The following C1orf74 variants were observed in gnomAD, a reference collection of about 807,000 sequenced individuals.
C1orf74 encodes the protein chromosome 1 open reading frame 74.
Under a neutral mutation model 7.3 loss-of-function variants are expected in C1orf74, and 5 were observed. The ratio of observed to expected loss-of-function variants is 0.68; its 90% CI spans 0.36 to 1.44. The LOEUF (loss-of-function observed/expected upper bound fraction) is 1.44. Ranked by LOEUF, C1orf74 falls within the 40% of genes most tolerant of loss-of-function variation. The pLI is 0.04. For synonymous variants in C1orf74, 121 were observed against 132.5 expected (o/e 0.91, Z 0.59); for missense variants, 291 against 314.3 (o/e 0.93, Z 0.56).
At position 209,781,411 on chromosome 1, in the gene C1orf74, C is replaced by T; in HGVS notation, c.*1414G>A. The T allele has an allele frequency of 6.2e-7, 1 of 1,613,688 alleles. No individual in the cohort carries two copies. The highest frequency in any genetic ancestry group is 8.5e-7 in the Non-Finnish European group (1 of 1,179,704). On this transcript the variant is annotated 3_prime_UTR_variant, in exon 2 of 2. Transcript: ENST00000294811. ...GTATCTCTCCTGCCTGCGTAAGCTG[C>T]AGCACTGTCGAGAAGAGCTGAACCA...
chr1:209,779,212 A>G lies in C1orf74; in HGVS notation c.*3613T>C, dbSNP rs1217544496. ...GGGGACAAAATTCAACACACAGCAG[A>G]TGGGAACATATTTAATAACCAAGGT... On this transcript the variant is annotated 3_prime_UTR_variant, in exon 2 of 2. Transcript: ENST00000294811. 29 of 871,640 alleles carry G rather than the reference A, an allele frequency of 3.3e-5. No homozygotes were observed. The highest frequency in any genetic ancestry group is 4.7e-5 in the Non-Finnish European group (26 of 550,668). The allele number at this position is 871,640 out of a possible 1,614,324, so 54.0% of individuals were successfully genotyped here. A position where few individuals can be genotyped will look rare whatever the true frequency, so the allele number is the denominator to read the frequency against.
At position 209,781,707 on chromosome 1, in the gene C1orf74, T is replaced by A. The variant is rs1167960055; in HGVS notation, c.*1118A>T. 3 of 488,420 alleles carry A rather than the reference T, an allele frequency of 6.1e-6. No individual in the cohort carries two copies. In the Admixed American group the frequency reaches 1.1e-4, roughly 17 times the overall value. 30.3% of individuals were successfully genotyped at this position (488,420 alleles called of 1,614,324 possible). Reference sequence around the variant, plus strand: ...TACTCTTAGCTAAAGTATGAAAGGGTGTTCTTTTAGCCGATGATAAGCATG... The same window carrying A: ...TACTCTTAGCTAAAGTATGAAAGGGAGTTCTTTTAGCCGATGATAAGCATG... On this transcript the variant is annotated 3_prime_UTR_variant, in exon 2 of 2. Transcript: ENST00000294811.
At chr1:209,784,349 TA>T (rs2077818773) in intron 1 of C1orf74, 28 bp downstream of exon 1, 1 of 152,268 alleles carries the variant, frequency 6.6e-6, no homozygotes, top group Non-Finnish European at 1.5e-5. Flanking sequence ...AGTGATTTGC[TA>T]AATGAGGCAT....
In C1orf74 at chr1:209,780,400, G is replaced by GT. The variant is rs1427077127; in HGVS notation, c.*2424dup. The GT allele has an allele frequency of 6.5e-6, 9 of 1,391,966 alleles. No individual in the cohort carries two copies. The Admixed American group carries it at 2.1e-4, about 32-fold the overall frequency. 86.2% of individuals were successfully genotyped at this position (1,391,966 alleles called of 1,614,324 possible). A position where few individuals can be genotyped will look rare whatever the true frequency, so the allele number is the denominator to read the frequency against. ...CCCTCCCCTCTCCCCACTCCTAGTGGTTTCACCCTCAGGGCCCTTCCTCAG... is the reference window on the plus strand; with the variant it reads ...CCCTCCCCTCTCCCCACTCCTAGTGGTTTTCACCCTCAGGGCCCTTCCTCAG... On this transcript the variant is annotated 3_prime_UTR_variant, in exon 2 of 2. Coordinates refer to ENST00000294811, the MANE Select transcript of C1orf74 (RefSeq NM_152485.4).
At position 209,783,438 on chromosome 1, in the gene C1orf74, AG is replaced by A. The variant is rs763868111; in HGVS notation, c.196del (p.Leu66SerfsTer8). On this transcript the variant is annotated frameshift_variant, in exon 2 of 2. Coordinates refer to ENST00000294811, the MANE Select transcript of C1orf74 (RefSeq NM_152485.4). LOFTEE classifies it low-confidence loss of function (END_TRUNC). ...CTTCAGCTCCTCCAGATAGCTCTGG[AG>A]CTCTGATGCCCCTGCACAGTTGCAA... ...YDCNCAGASE[L>X]QSYLEELKGL... The A allele has an allele frequency of 6.2e-7, 1 of 1,614,096 alleles. No individual in the cohort carries two copies.
In C1orf74 at chr1:209,782,045, T is replaced by C; in HGVS notation, c.*780A>G. Reference sequence around the variant, plus strand: ...ATGGCCACTTTCTTCTGTCTCCCTGTCCCCCTACAGAGGCAATGTGGGCGA... The same window carrying C: ...ATGGCCACTTTCTTCTGTCTCCCTGCCCCCCTACAGAGGCAATGTGGGCGA... On this transcript the variant is annotated 3_prime_UTR_variant, in exon 2 of 2. Transcript: ENST00000294811. 4 of 1,609,246 alleles carry C rather than the reference T, an allele frequency of 2.5e-6. No individual in the cohort carries two copies. Among genetic ancestry groups the C allele is most frequent in the Non-Finnish European group, 3.4e-6 (4 of 1,175,648 alleles).
In C1orf74 at chr1:209,782,973, A is replaced by C; in HGVS notation, c.662T>G (p.Phe221Cys). The C allele has an allele frequency of 6.2e-7, 1 of 1,614,160 alleles. No individual in the cohort carries two copies. Among genetic ancestry groups the C allele is most frequent in the Non-Finnish European group, 8.5e-7 (1 of 1,180,018 alleles). ...LGQPPILLYS[F>C]SVPESLFPGL... ...TGGGAACAAACTCTCTGGGACACTA[A>C]AAGAATAGAGCAGGATTGGGGGTTG... Residue 221 changes from phenylalanine to cysteine, a missense_variant, in exon 2 of 2, where the codon TTT (phenylalanine) becomes TGT (cysteine). Physicochemically the swap from Phe to Cys is radical, Grantham distance 205. Coordinates refer to ENST00000294811, the MANE Select transcript of C1orf74 (RefSeq NM_152485.4).
Position 209,782,961 on chromosome 1 carries a change from T to C in C1orf74, c.674A>G (p.Glu225Gly). The C allele has an allele frequency of 6.2e-7, 1 of 1,614,160 alleles. No homozygotes were observed. The highest frequency in any genetic ancestry group is 1.7e-5 in the Admixed American group (1 of 60,014). ...GTCCCTCAGGCCTGGGAACAAACTC[T>C]CTGGGACACTAAAAGAATAGAGCAG... ...PILLYSFSVPESLFPGLRDIL... is the reference protein window; with the variant it reads ...PILLYSFSVPGSLFPGLRDIL... Residue 225 changes from glutamate to glycine, a missense_variant, in exon 2 of 2, where the codon GAG (glutamate) becomes GGG (glycine). Coordinates refer to ENST00000294811, the MANE Select transcript of C1orf74 (RefSeq NM_152485.4).
At position 209,780,668 on chromosome 1, in the gene C1orf74, C is replaced by T; in HGVS notation, c.*2157G>A. 1.4e-6 allele frequency: 2 copies of T among 1,409,130 alleles called. No homozygotes were observed. Among genetic ancestry groups the T allele is most frequent in the African/African-American group, 1.5e-5 (1 of 68,346 alleles). The allele number at this position is 1,409,130 out of a possible 1,614,324, so 87.3% of individuals were successfully genotyped here. The stretch of plus-strand genomic sequence containing the variant: ...CGAAATAGCAGAGAAACCTGGGAGG[C>T]AGTCAAAAAGCAGGGATTTCAAAGT... On this transcript the variant is annotated 3_prime_UTR_variant, in exon 2 of 2. Coordinates refer to ENST00000294811, the MANE Select transcript of C1orf74 (RefSeq NM_152485.4).
intron 1 of C1orf74, 132 bp from the exon 2 acceptor site, chr1:209,783,841 G>A: frequency 2.0e-6 from 1 of 494,198 alleles, no homozygotes; most frequent in Non-Finnish European, 3.7e-6. Context: ...CACCGATGCT[G>A]CTTGATTTTT....
rs777523238 is a variant in C1orf74 at position 209,780,521 on chromosome 1, C to A, written c.*2304G>T. 3.7e-6 allele frequency: 6 copies of A among 1,603,550 alleles called. No homozygotes were observed. The highest frequency in any genetic ancestry group is 4.3e-6 in the Non-Finnish European group (5 of 1,174,796). ...AAGTCCTTCCCTAACGAAGTGGAGC[C>A]TGAGGGTACAGGGAAGGAGAAAGAC... On this transcript the variant is annotated 3_prime_UTR_variant, in exon 2 of 2. Transcript: ENST00000294811.
chr1:209,780,504 C>A lies in C1orf74; in HGVS notation c.*2321G>T. On this transcript the variant is annotated 3_prime_UTR_variant, in exon 2 of 2. Coordinates refer to ENST00000294811, the MANE Select transcript of C1orf74 (RefSeq NM_152485.4). ...TGCCCGTGTGGAGTCCAAAGTCCTT[C>A]CCTAACGAAGTGGAGCCTGAGGGTA... The A allele has an allele frequency of 1.2e-6, 2 of 1,600,840 alleles. No homozygotes were observed. Among genetic ancestry groups the A allele is most frequent in the Non-Finnish European group, 8.5e-7 (1 of 1,173,242 alleles).
chr1:209,780,589 C>A lies in C1orf74; in HGVS notation c.*2236G>T, dbSNP rs2077755441. 3 of 1,589,436 alleles carry A rather than the reference C, an allele frequency of 1.9e-6. No homozygotes were observed. The highest frequency in any genetic ancestry group is 2.6e-6 in the Non-Finnish European group (3 of 1,165,604). ...GCTGCAAAAGAAGACTTTGCAGCTC[C>A]AGGCCAAGGAAAAGGAGGTGAGAGG... On this transcript the variant is annotated 3_prime_UTR_variant, in exon 2 of 2. Coordinates refer to ENST00000294811, the MANE Select transcript of C1orf74 (RefSeq NM_152485.4).
In C1orf74 at chr1:209,779,307, T is replaced by G. The variant is rs751789984; in HGVS notation, c.*3518A>C. ...TAGCATAGACAAGTTCCTTGTGTTTTCCAACAGGTTTGCTTCAAAATCAAT... is the reference window on the plus strand; with the variant it reads ...TAGCATAGACAAGTTCCTTGTGTTTGCCAACAGGTTTGCTTCAAAATCAAT... On this transcript the variant is annotated 3_prime_UTR_variant, in exon 2 of 2. Coordinates refer to ENST00000294811, the MANE Select transcript of C1orf74 (RefSeq NM_152485.4). 2.0e-5 allele frequency: 33 copies of G among 1,613,808 alleles called. No individual in the cohort carries two copies. The highest frequency in any genetic ancestry group is 3.3e-4 in the Middle Eastern group (2 of 6,082).
At position 209,782,886 on chromosome 1, in the gene C1orf74, T is replaced by C; in HGVS notation, c.749A>G (p.Asn250Ser). The change falls in exon 2 of 2, where the codon AAT (asparagine) becomes AGT (serine). Residue 250 changes from asparagine to serine, a missense_variant. By Grantham distance (46) the Asn-to-Ser change is conservative. Coordinates refer to ENST00000294811, the MANE Select transcript of C1orf74 (RefSeq NM_152485.4). ...KDLRTRFRTQNDFADLSISSE... is the reference protein window; with the variant it reads ...KDLRTRFRTQSDFADLSISSE... ...GGAGATGCTGAGATCAGCAAAGTCA[T>C]TCTGAGTCCTAAATCGGGTTCTGAG... 1 of 1,614,156 alleles carries C rather than the reference T, an allele frequency of 6.2e-7. No homozygotes were observed. The highest frequency in any genetic ancestry group is 8.5e-7 in the Non-Finnish European group (1 of 1,180,026).
chr1:209,782,605 T>C lies in C1orf74; in HGVS notation c.*220A>G. The C allele has an allele frequency of 1.7e-6, 1 of 585,136 alleles. No homozygotes were observed. The allele number at this position is 585,136 out of a possible 1,614,324, so 36.2% of individuals were successfully genotyped here. A position where few individuals can be genotyped will look rare whatever the true frequency, so the allele number is the denominator to read the frequency against. On this transcript the variant is annotated 3_prime_UTR_variant, in exon 2 of 2. Coordinates refer to ENST00000294811, the MANE Select transcript of C1orf74 (RefSeq NM_152485.4). ...TGAAAACATCTCCACTAAGAGGACT[T>C]CCTAGTATAGAAATGGCAAGTATGT...
intron 1 of C1orf74, 139 bp from the exon 2 acceptor site, chr1:209,783,848 T>C: frequency 2.0e-6 from 1 of 493,246 alleles, no homozygotes; most frequent in Non-Finnish European, 3.7e-6. Context: ...GCTGCTTGAT[T>C]TTTCTGGTTG....
At position 209,783,159 on chromosome 1, in the gene C1orf74, T is replaced by G. The variant is rs2077808470; in HGVS notation, c.476A>C (p.Tyr159Ser). ...LQRDLSLAVS[Y>S]SRLHSSDWNL... ...CCAGTCTGAGGAATGGAGCCTGCTGTAGGAGACTGCTAGAGATAAGTCCCT... is the reference window on the plus strand; with the variant it reads ...CCAGTCTGAGGAATGGAGCCTGCTGGAGGAGACTGCTAGAGATAAGTCCCT... Residue 159 changes from tyrosine (Y) to serine (S), a missense_variant, in exon 2 of 2, where the codon TAC becomes TCC. Tyr to Ser is a moderately radical substitution (Grantham distance 144). Transcript: ENST00000294811. 2.5e-6 allele frequency: 4 copies of G among 1,614,020 alleles called. No homozygotes were observed. The African/African-American group carries it at 5.3e-5, about 22-fold the overall frequency.
In C1orf74 at chr1:209,782,840, C is replaced by T. The variant is rs1461836252; in HGVS notation, c.795G>A (p.Pro265=). The change falls in exon 2 of 2, where the codon CCG becomes CCA. Residue 265 remains proline, a synonymous_variant. Transcript: ENST00000294811. ...AGAGTTAAAGTCAGAGGGCCACAGC[C>T]GGCAGTGTGACTATCTCAGAGGAGA... The part of the protein sequence containing the change: ...LSISSEIVTL[P]AVAL 5.6e-6 allele frequency: 9 copies of T among 1,613,832 alleles called. No individual in the cohort carries two copies. Among genetic ancestry groups the T allele is most frequent in the Non-Finnish European group, 6.8e-6 (8 of 1,179,914 alleles).
Sources: gnomAD v4.1 joint callset for allele counts on GRCh38, gnomAD v4.1.1 for gene constraint, MANE v1.5 for transcripts, NCBI Gene and HGNC (gene_info 2026-07-23, HGNC 2026-07-21) for gene names.